PGBD5: variants seen among roughly 807,000 people sequenced by gnomAD.
PGBD5 encodes the protein piggyBac transposable element derived 5, also known as piggyBac transposable element-derived protein 5.
In PGBD5, 14 loss-of-function variants were observed where a neutral mutation model predicts 47.9. The observed-to-expected ratio is 0.29, with a 90% CI of 0.19 to 0.46. PGBD5 has a LOEUF of 0.46. Among genes scored for constraint, PGBD5 ranks in the 20% least tolerant of loss-of-function variants. The pLI is 1.00. For synonymous variants in PGBD5, 316 were observed against 306.3 expected (o/e 1.03, Z -0.33); for missense variants, 635 against 716.0 (o/e 0.89, Z 1.29).
chr1:230,399,117 G>A (rs1237870006), intron 1 of PGBD5, among the ~76,000 whole-genome samples: 1 of 152,118 alleles, frequency 6.6e-6, no homozygotes, highest in Non-Finnish European at 1.5e-5. Context: ...ACCGAGACAG[G>A]AGCCTGAGTT....
chr1:230,416,643 G>T (rs933910261), intron 1 of PGBD5, among the ~76,000 whole-genome samples: 6 of 152,186 alleles, frequency 3.9e-5, no homozygotes, highest in African/African-American at 7.2e-5. Context: ...CCGGGCAAGG[G>T]CCTGGCAGAC....
chr1:230,353,629 G>C (rs1667591857), intron 2 of PGBD5, among the ~76,000 whole-genome samples: 1 of 152,136 alleles, frequency 6.6e-6, no homozygotes, highest in African/African-American at 2.4e-5. Context: ...GATGGTGTAA[G>C]GGACGGGTGC....
At chr1:230,404,654 T>G (rs1657254367) in intron 1 of PGBD5, among the ~76,000 whole-genome samples, 1 of 145,220 alleles carries the variant, frequency 6.9e-6, no homozygotes, top group African/African-American at 2.6e-5. Context: ...ATATATGGCC[T>G]GGCAAGGTGG....
rs1425226600 is a variant in PGBD5, at chr1:230,321,523, C to CA, written c.*1901dup. ...TTCGCCATGTTGCCAATGCTGGTCT[C>CA]AAACTCCTGGACTCAAGCGATCCGC... On this transcript the variant is annotated 3_prime_UTR_variant, in exon 7 of 7. Coordinates refer to ENST00000391860, the MANE Select transcript of PGBD5 (RefSeq NM_001258311.2). The CA allele has an allele frequency of 6.6e-6, 1 of 152,246 alleles. No individual in the cohort carries two copies. Among genetic ancestry groups the CA allele is most frequent in the East Asian group, 1.9e-4 (1 of 5,192 alleles). The allele number at this position is 152,246 out of a possible 1,614,324, so 9.4% of individuals were successfully genotyped here.
At chr1:230,387,626 G>A (rs1343356475) in intron 1 of PGBD5, among the ~76,000 whole-genome samples, 2 of 152,314 alleles carry the variant, frequency 1.3e-5, no homozygotes, top group Non-Finnish European at 2.9e-5. Context: ...ATACTTTCCA[G>A]CTATTCAGAG....
chr1:230,385,842 C>G (rs1656624587), intron 1 of PGBD5, among the ~76,000 whole-genome samples: 1 of 152,150 alleles, frequency 6.6e-6, no homozygotes, highest in Admixed American at 6.5e-5. Flanking sequence ...ATCCTGGCTA[C>G]TCTAAGAGTG....
rs148878203 is a variant in PGBD5 at position 230,357,064 on chromosome 1, G to A, written c.589C>T (p.Arg197Cys). ...SIWSGGFYSNRSLALVMSQAR... is the reference protein window; with the variant it reads ...SIWSGGFYSNCSLALVMSQAR... ...TGGCTCATGACGAGGGCGAGGCTGCGGTTGCTGTAGAAGCCTCCGCTCCAG... is the reference window on the plus strand; with the variant it reads ...TGGCTCATGACGAGGGCGAGGCTGCAGTTGCTGTAGAAGCCTCCGCTCCAG... Residue 197 changes from arginine to cysteine, a missense_variant, in exon 2 of 7, where the codon CGC (arginine) becomes TGC (cysteine). Physicochemically the swap from Arg to Cys is radical, Grantham distance 180. Transcript: ENST00000391860. The surrounding 1 kb of genome is among the most constrained non-coding windows in gnomAD (Gnocchi z 5.7). The A allele has an allele frequency of 2.4e-5, 39 of 1,614,178 alleles. No homozygotes were observed. In the African/African-American group the frequency reaches 3.2e-4, roughly 13 times the overall value.
In PGBD5 at chr1:230,315,887, C is replaced by A. The variant is rs1666929718; in HGVS notation, c.*7538G>T. On this transcript the variant is annotated 3_prime_UTR_variant, in exon 7 of 7. Coordinates refer to ENST00000391860, the MANE Select transcript of PGBD5 (RefSeq NM_001258311.2). ...ATATATATACATATATGGATACATA[C>A]ATATTTATGTGTACACATATATGTA... 6.8e-6 allele frequency: 1 copy of A among 146,422 alleles called. No individual in the cohort carries two copies. 9.1% of individuals were successfully genotyped at this position (146,422 alleles called of 1,614,324 possible). A position where few individuals can be genotyped will look rare whatever the true frequency, so the allele number is the denominator to read the frequency against.
chr1:230,314,581 C>CTTT lies in PGBD5; in HGVS notation c.*8841_*8843dup, dbSNP rs3045440. 16 of 88,382 alleles carry CTTT rather than the reference C, an allele frequency of 1.8e-4. No individual in the cohort carries two copies. The highest frequency in any genetic ancestry group is 4.9e-4 in the African/African-American group (12 of 24,672). 5.5% of individuals were successfully genotyped at this position (88,382 alleles called of 1,614,324 possible). On this transcript the variant is annotated 3_prime_UTR_variant, in exon 7 of 7. Coordinates refer to ENST00000391860, the MANE Select transcript of PGBD5 (RefSeq NM_001258311.2). ...ACATGACAAAATGCTTGAATTAAAT[C>CTTT]TTTTTTTTTTTTTTTTTTTTTTTTG...
At chr1:230,381,167 G>A (rs762111924) in intron 1 of PGBD5, among the ~76,000 whole-genome samples, 14 of 152,360 alleles carry the variant, frequency 9.2e-5, no homozygotes, top group African/African-American at 2.4e-4. Flanking sequence ...ACAAGGTTGC[G>A]AAATTTACCT....
chr1:230,396,258 C>CTCTTCCCTTTT lies in PGBD5; in HGVS notation c.331+29339_331+29340insAAAAGGGAAGA. ...CCCACACTCCTCCCTTTTACCCCCA[C>CTCTTCCCTTTT]ACTCCTCCTTTTTACCCCCACACTC... On this transcript the variant is annotated intron_variant, in intron 1 of 6. Coordinates refer to ENST00000391860, the MANE Select transcript of PGBD5 (RefSeq NM_001258311.2). Among the ~76,000 whole-genome samples, 5 of 21,748 alleles carry CTCTTCCCTTTT rather than the reference C, an allele frequency of 2.3e-4. 1 individual carries two copies. Among genetic ancestry groups the CTCTTCCCTTTT allele is most frequent in the Non-Finnish European group, 4.1e-4 (5 of 12,126 alleles). 14.3% of individuals were successfully genotyped at this position (21,748 alleles called of 152,430 possible).
chr1:230,331,024 A>G (rs1667204695), intron 5 of PGBD5, among the ~76,000 whole-genome samples: 1 of 152,164 alleles, frequency 6.6e-6, no homozygotes, highest in African/African-American at 2.4e-5. Flanking sequence ...GAACCTCTCC[A>G]GCCTCATTCT....
intron 1 of PGBD5, among the ~76,000 whole-genome samples, chr1:230,381,601 A>G (rs1571850145): frequency 6.6e-6 from 1 of 152,122 alleles, no homozygotes; most frequent in African/African-American, 2.4e-5. Flanking sequence ...GGATGAGAAA[A>G]CCACCCACTA....
At chr1:230,380,798 G>A (rs576930813) in intron 1 of PGBD5, among the ~76,000 whole-genome samples, 1 of 152,272 alleles carries the variant, frequency 6.6e-6, no homozygotes, top group South Asian at 2.1e-4. Flanking sequence ...GCTTGTGCAG[G>A]GCTCTGTCCA....
In PGBD5 at chr1:230,322,092, T is replaced by C. The variant is rs1226283874; in HGVS notation, c.*1333A>G. On this transcript the variant is annotated 3_prime_UTR_variant, in exon 7 of 7. Transcript: ENST00000391860. This position sits in a 1 kb window ranked among gnomAD's most constrained non-coding sequence, Gnocchi z 5.9. ...AGGGGGACTGGGTAATCCCAGAAAT[T>C]CCTTGTTTCTGGTCTGTGGGGATGG... is the stretch of plus-strand genomic sequence containing the variant. The C allele has an allele frequency of 6.6e-6, 1 of 152,188 alleles. No homozygotes were observed. Among genetic ancestry groups the C allele is most frequent in the African/African-American group, 2.4e-5 (1 of 41,420 alleles). 9.4% of individuals were successfully genotyped at this position (152,188 alleles called of 1,614,324 possible).
At chr1:230,340,273 T>TA (rs1388090695) in intron 3 of PGBD5, among the ~76,000 whole-genome samples, 5 of 152,114 alleles carry the variant, frequency 3.3e-5, no homozygotes, top group African/African-American at 1.2e-4. Context: ...TTTATAATGG[T>TA]AAAAAAATTA....
intron 1 of PGBD5, among the ~76,000 whole-genome samples, chr1:230,375,884 T>G (rs973692184): frequency 6.6e-6 from 1 of 151,830 alleles, no homozygotes; most frequent in African/African-American, 2.4e-5. Flanking sequence ...GAGAGTGGAT[T>G]CTGGCACCAA....
At chr1:230,362,324 G>T in intron 1 of PGBD5, 2 of 1,367,806 alleles carry the variant, frequency 1.5e-6, no homozygotes, top group Non-Finnish European at 2.0e-6. Flanking sequence ...ACGAGGAATG[G>T]ATTATAGGGC....
At chr1:230,380,699 A>G (rs953458166) in intron 1 of PGBD5, among the ~76,000 whole-genome samples, 1 of 152,222 alleles carries the variant, frequency 6.6e-6, no homozygotes, top group African/African-American at 2.4e-5. Flanking sequence ...TGAAGAGGGA[A>G]GCTATACAGG....
Sources: allele counts gnomAD v4.1 joint callset (sites outside exome capture counted in the v4.1 genomes callset), GRCh38; gene constraint gnomAD v4.1.1; non-coding constraint Gnocchi (gnomAD v3.1); transcripts MANE v1.5; gene names NCBI Gene and HGNC (gene_info 2026-07-23, HGNC 2026-07-21).